The following ME1 variants were observed in gnomAD, a reference collection of about 807,000 sequenced individuals.
The protein encoded by ME1 is malic enzyme 1.
ME1 carries 74 observed loss-of-function variants against 66.4 expected under a neutral mutation model. The ratio of observed to expected loss-of-function variants is 1.11; its 90% CI spans 0.92 to 1.35. The LOEUF is 1.35. Ranked by LOEUF, ME1 falls within the 40% of genes most tolerant of loss-of-function variation. ME1 has a pLI of 0.00. For missense variants in ME1, 750 were observed against 694.1 expected, an observed-to-expected ratio of 1.08 and a Z score of -0.90; for synonymous variants, 251 against 235.6, an observed-to-expected ratio of 1.07 and a Z score of -0.60.
At chr6:83,285,339 T>G (rs1767376532) in intron 6 of ME1, among the ~76,000 whole-genome samples, 1 of 152,172 alleles carries the variant, frequency 6.6e-6, no homozygotes, top group East Asian at 1.9e-4. Context: ...AGAGATAAAG[T>G]GAATACATTT....
At chr6:83,339,870 A>G (rs1768541387) in intron 5 of ME1, among the ~76,000 whole-genome samples, 1 of 129,238 alleles carries the variant, frequency 7.7e-6, no homozygotes, top group African/African-American at 3.0e-5. Flanking sequence ...ACCTAATGCT[A>G]GATGACACGT....
rs1768685377 is a variant in ME1, at chr6:83,346,288, A to T, written c.485T>A (p.Leu162His). 3 of 1,613,182 alleles carry T rather than the reference A, an allele frequency of 1.9e-6. No individual in the cohort carries two copies. Among genetic ancestry groups the T allele is most frequent in the Non-Finnish European group, 2.5e-6 (3 of 1,179,400 alleles). The change falls in exon 5 of 14, where the codon CTT (leucine) becomes CAT (histidine). Residue 162 changes from leucine (L) to histidine (H), a missense_variant. Leu to His is a moderately conservative substitution (Grantham distance 99). Coordinates refer to ENST00000369705, the MANE Select transcript of ME1 (RefSeq NM_002395.6). ...DGERILGLGDLGCNGMGIPVG... is the reference protein window; with the variant it reads ...DGERILGLGDHGCNGMGIPVG... ...AGGGATGCCCATTCCATTACAGCCA[A>T]GGTCTCCCAAGCCAAGAATACGCTC...
At chr6:83,343,140 C>G (rs1221027387) in intron 5 of ME1, among the ~76,000 whole-genome samples, 1 of 152,114 alleles carries the variant, frequency 6.6e-6, no homozygotes, top group Non-Finnish European at 1.5e-5. Flanking sequence ...ACCCCTTAAC[C>G]AACCTCTCTT....
intron 6 of ME1, among the ~76,000 whole-genome samples, chr6:83,302,736 GAGA>G (rs1305640184): frequency 3.9e-5 from 6 of 152,278 alleles, no homozygotes; most frequent in East Asian, 3.9e-4. Context: ...AGTTTATACA[GAGA>G]AGAAGTGTGA....
At position 83,418,449 on chromosome 6, in the gene ME1, T is replaced by C. The variant is rs1054069665; in HGVS notation, c.79-10548A>G. Among the ~76,000 whole-genome samples, 31 of 152,280 alleles carry C rather than the reference T, an allele frequency of 2.0e-4. 2 individuals are homozygous for C. Among genetic ancestry groups the C allele is most frequent in the South Asian group, 1.5e-3 (7 of 4,820 alleles). On this transcript the variant is annotated intron_variant, in intron 1 of 13. Transcript: ENST00000369705. Reference sequence around the variant, plus strand: ...GGACAGTCAGGCAGGAGAAGTTCCCTCTTACTCAGCTTTTTCGTCCTTTAA... The same window carrying C: ...GGACAGTCAGGCAGGAGAAGTTCCCCCTTACTCAGCTTTTTCGTCCTTTAA...
chr6:83,411,369 A>G (rs1188656394), intron 1 of ME1, among the ~76,000 whole-genome samples: 1 of 152,098 alleles, frequency 6.6e-6, no homozygotes, highest in Non-Finnish European at 1.5e-5. Context: ...GTCTCAAGAA[A>G]AAAAAAAAAA....
chr6:83,221,642 G>A (rs1193128344), intron 12 of ME1, among the ~76,000 whole-genome samples: 2 of 152,148 alleles, frequency 1.3e-5, no homozygotes, highest in Non-Finnish European at 2.9e-5. Context: ...TTACCCAACA[G>A]GCAACTGGAG....
chr6:83,221,441 G>A (rs908799643), intron 12 of ME1, among the ~76,000 whole-genome samples: 3 of 152,184 alleles, frequency 2.0e-5, no homozygotes, highest in African/African-American at 7.2e-5. Flanking sequence ...AGTTACACAG[G>A]CATACATATG....
intron 3 of ME1, among the ~76,000 whole-genome samples, chr6:83,358,333 A>G (rs1419195930): frequency 6.6e-6 from 1 of 152,112 alleles, no homozygotes; most frequent in East Asian, 1.9e-4. Flanking sequence ...TGGTGAACCA[A>G]CGACCATAAT....
intron 5 of ME1, among the ~76,000 whole-genome samples, chr6:83,323,841 T>C (rs1034393584): frequency 4.6e-5 from 7 of 152,160 alleles, no homozygotes; most frequent in African/African-American, 1.7e-4. Context: ...GCCTACCTAA[T>C]AGACATCTAC....
intron 3 of ME1, among the ~76,000 whole-genome samples, chr6:83,373,145 ATTTAT>A (rs944583144): frequency 2.6e-5 from 4 of 152,146 alleles, no homozygotes; most frequent in African/African-American, 9.7e-5. Context: ...CCTCATATTA[ATTTAT>A]TTTATCAAAT....
chr6:83,342,176 G>A (rs1293508390), intron 5 of ME1, among the ~76,000 whole-genome samples: 1 of 152,200 alleles, frequency 6.6e-6, no homozygotes, highest in East Asian at 1.9e-4. Context: ...TGGCCAATGG[G>A]AAACCTCTAG....
At chr6:83,273,049 C>T (rs1767113781) in intron 6 of ME1, among the ~76,000 whole-genome samples, 1 of 151,650 alleles carries the variant, frequency 6.6e-6, no homozygotes, top group Admixed American at 6.6e-5. Context: ...TGGTGGTGGG[C>T]ACCTGTAATC....
intron 13 of ME1, 93 bp downstream of exon 13, chr6:83,216,405 C>T: frequency 3.4e-6 from 3 of 880,850 alleles, no homozygotes; most frequent in Non-Finnish European, 5.5e-6. Flanking sequence ...TACAGATATA[C>T]ATTTCAAGGA....
intron 6 of ME1, among the ~76,000 whole-genome samples, chr6:83,302,408 C>T (rs1315349434): frequency 2.0e-5 from 3 of 151,954 alleles, no homozygotes; most frequent in African/African-American, 7.2e-5. Flanking sequence ...CCCCATCATA[C>T]AAGGTCACCT....
At chr6:83,309,153 A>C (rs1767883590) in intron 6 of ME1, among the ~76,000 whole-genome samples, 1 of 152,148 alleles carries the variant, frequency 6.6e-6, no homozygotes, top group Non-Finnish European at 1.5e-5. Context: ...TAAAATGATA[A>C]GCTTTCCTGG....
intron 6 of ME1, among the ~76,000 whole-genome samples, chr6:83,255,658 A>T (rs1184086470): frequency 1.3e-5 from 2 of 152,098 alleles, no homozygotes; most frequent in Admixed American, 6.6e-5. Context: ...TGTCAGCACC[A>T]TTTATTTAAC....
intron 6 of ME1, 111 bp downstream of exon 6, chr6:83,315,199 T>C: frequency 1.5e-6 from 1 of 659,052 alleles, no homozygotes; most frequent in South Asian, 2.0e-5. Flanking sequence ...TATGCATTTT[T>C]CATTCAAATT....
chr6:83,215,600 A>G (rs1351323729), intron 13 of ME1, among the ~76,000 whole-genome samples: 2 of 152,222 alleles, frequency 1.3e-5, no homozygotes, highest in African/African-American at 4.8e-5. Context: ...AGAATGGTCT[A>G]TAATCCAATT....
Sources: gnomAD v4.1 joint callset for allele counts (sites outside exome capture counted in the v4.1 genomes callset) on GRCh38, gnomAD v4.1.1 for gene constraint, MANE v1.5 for transcripts, NCBI Gene and HGNC (gene_info 2026-07-23, HGNC 2026-07-21) for gene names.